Variants in KIF15 observed in about 807,000 individuals in gnomAD.
KIF15 encodes kinesin family member 15, also known as kinesin-like protein KIF15.
KIF15 carries 140 observed loss-of-function variants against 190.6 expected under a neutral mutation model. The observed-to-expected ratio is 0.73, with a 90% CI of 0.64 to 0.84. The LOEUF (loss-of-function observed/expected upper bound fraction) is 0.84, where lower values mean the gene tolerates loss of function less well. Ranked by LOEUF, KIF15 falls within the 40% of genes least tolerant of loss-of-function variation. KIF15 has a pLI of 0.00. For synonymous variants in KIF15, 528 were observed against 551.3 expected (o/e 0.96, Z 0.59); for missense variants, 1,372 against 1,584.4 (o/e 0.87, Z 2.28).
chr3:44,830,551 C>T (rs930902854), intron 25 of KIF15, among the ~76,000 whole-genome samples: 1 of 152,182 alleles, frequency 6.6e-6, no homozygotes, highest in Admixed American at 6.5e-5. Context: ...ATTTTGTCAG[C>T]ATGTATCTGA....
intron 10 of KIF15, among the ~76,000 whole-genome samples, chr3:44,799,830 G>A (rs550543146): frequency 2.0e-5 from 3 of 151,722 alleles, no homozygotes; most frequent in African/African-American, 7.2e-5. Flanking sequence ...AAAAATAAAG[G>A]TCGGATTCCT....
chr3:44,821,030 C>A (rs1470233519), intron 20 of KIF15, among the ~76,000 whole-genome samples: 1 of 114,100 alleles, frequency 8.8e-6, no homozygotes, highest in East Asian at 3.0e-4. Flanking sequence ...GGCGGGGGGG[C>A]TGACCCCCCC....
chr3:44,867,582 T>C (rs957168594), intron 6 of KIF15, among the ~76,000 whole-genome samples: 1 of 152,222 alleles, frequency 6.6e-6, no homozygotes. Flanking sequence ...GACACTTGCT[T>C]AATGCATAGA....
chr3:44,812,346 G>A, intron 18 of KIF15, 57 bp downstream of exon 18: 1 of 1,221,496 alleles, frequency 8.2e-7, no homozygotes, highest in South Asian at 1.2e-5. Context: ...ATGTTACCTT[G>A]AGGAAACATC....
intron 19 of KIF15, among the ~76,000 whole-genome samples, chr3:44,813,871 G>T (rs1162627772): frequency 6.6e-6 from 1 of 152,088 alleles, no homozygotes; most frequent in Non-Finnish European, 1.5e-5. Context: ...ACCCACCTCG[G>T]CCTCCCAAAG....
chr3:44,824,703 A>G (rs539245113), intron 20 of KIF15, among the ~76,000 whole-genome samples: 32 of 152,276 alleles, frequency 2.1e-4, no homozygotes, highest in Admixed American at 7.2e-4. Flanking sequence ...TTAAGAATCC[A>G]CTATATTTTG....
chr3:44,865,263 C>A, intron 6 of KIF15: 1 of 1,566,992 alleles, frequency 6.4e-7, no homozygotes, highest in South Asian at 1.1e-5. Flanking sequence ...TATCCTAGGG[C>A]GATCCAGTTG....
At chr3:44,866,231 C>T (rs1699321364) in intron 6 of KIF15, among the ~76,000 whole-genome samples, 1 of 151,872 alleles carries the variant, frequency 6.6e-6, no homozygotes, top group South Asian at 2.1e-4. Context: ...CGCCACCATG[C>T]CCAGCTAATT....
At chr3:44,861,945 T>C in intron 6 of KIF15, 1 of 1,415,698 alleles carries the variant, frequency 7.1e-7, no homozygotes, top group Non-Finnish European at 9.2e-7. Flanking sequence ...GGCCGGGGCC[T>C]CCGGGCGGCG....
intron 26 of KIF15, among the ~76,000 whole-genome samples, chr3:44,833,272 G>C (rs1328042526): frequency 6.6e-6 from 1 of 152,040 alleles, no homozygotes; most frequent in Non-Finnish European, 1.5e-5. Flanking sequence ...TTTTTCCTTA[G>C]ACCAGGAGTG....
chr3:44,839,837 G>A lies in KIF15; in HGVS notation c.3319-518G>A, dbSNP rs558339676. On this transcript the variant is annotated intron_variant, in intron 27 of 34. Coordinates refer to ENST00000326047, the MANE Select transcript of KIF15 (RefSeq NM_020242.3). ...AGTGTCCTCCAGGTTCATCCATGTTGTCACAAATGACAGAATTTGCTTCCT... is the reference window on the plus strand; with the variant it reads ...AGTGTCCTCCAGGTTCATCCATGTTATCACAAATGACAGAATTTGCTTCCT... Among the ~76,000 whole-genome samples the A allele has an allele frequency of 7.2e-5, 11 of 152,294 alleles. No individual in the cohort carries two copies. The South Asian group carries it at 2.3e-3, about 32-fold the overall frequency.
chr3:44,803,765 T>G (rs1707377514), intron 14 of KIF15, among the ~76,000 whole-genome samples: 1 of 152,256 alleles, frequency 6.6e-6, no homozygotes, highest in South Asian at 2.1e-4. Flanking sequence ...CCTTCTTCCA[T>G]TCTGTTATGA....
At chr3:44,818,391 G>A (rs1212248069) in intron 20 of KIF15, among the ~76,000 whole-genome samples, 1 of 152,166 alleles carries the variant, frequency 6.6e-6, no homozygotes, top group Non-Finnish European at 1.5e-5. Context: ...GTCATAAATA[G>A]CTCTTATTAT....
At chr3:44,864,081 A>T in intron 6 of KIF15, 1 of 1,264,114 alleles carries the variant, frequency 7.9e-7, no homozygotes, top group Non-Finnish European at 1.1e-6. Context: ...TCTGAGCTGT[A>T]GTGGGAGCTC....
chr3:44,819,409 G>C (rs1430813421), intron 20 of KIF15, among the ~76,000 whole-genome samples: 1 of 152,196 alleles, frequency 6.6e-6, no homozygotes, highest in East Asian at 1.9e-4. Flanking sequence ...TCTACACACT[G>C]CTTTGAATGT....
intron 6 of KIF15, among the ~76,000 whole-genome samples, chr3:44,861,180 G>A (rs2125737828): frequency 6.6e-6 from 1 of 151,982 alleles, no homozygotes; most frequent in African/African-American, 2.4e-5. Context: ...TAGTAGAGAC[G>A]GGGTTTCTCT....
chr3:44,823,826 G>T (rs6764858), intron 20 of KIF15, among the ~76,000 whole-genome samples: 3 of 152,184 alleles, frequency 2.0e-5, no homozygotes, highest in Non-Finnish European at 4.4e-5. Flanking sequence ...AGCTAGGTGC[G>T]GGATATAATC....
At chr3:44,825,564 A>G (rs567295165) in intron 20 of KIF15, among the ~76,000 whole-genome samples, 1 of 152,230 alleles carries the variant, frequency 6.6e-6, no homozygotes, top group South Asian at 2.1e-4. Context: ...TTCCAAAAAC[A>G]TTTTCTTTCT....
At chr3:44,847,054 G>A (rs1009086404) in intron 30 of KIF15, among the ~76,000 whole-genome samples, 2 of 152,172 alleles carry the variant, frequency 1.3e-5, no homozygotes, top group Admixed American at 6.5e-5. Flanking sequence ...TTACTGTCTC[G>A]TTCTTGACAG....
Sources: gnomAD v4.1 joint callset for allele counts (sites outside exome capture counted in the v4.1 genomes callset) on GRCh38, gnomAD v4.1.1 for gene constraint, MANE v1.5 for transcripts, NCBI Gene and HGNC (gene_info 2026-07-23, HGNC 2026-07-21) for gene names.